Variants in ADARB2 observed in about 807,000 individuals in gnomAD.
The protein encoded by ADARB2 is inactive double-stranded RNA-specific editase B2.
ADARB2 carries 25 observed loss-of-function variants against 62.2 expected under a neutral mutation model. That is an observed-to-expected ratio of 0.40 (90% confidence interval 0.29 to 0.56). The LOEUF is 0.56. Ranked by LOEUF, ADARB2 falls within the 20% of genes least tolerant of loss-of-function variation. The probability of loss-of-function intolerance (pLI) is 0.43; values close to 1 mark genes in which losing one functional copy is unlikely to be tolerated. For missense variants in ADARB2, 1,071 were observed against 1,077.4 expected (o/e 0.99, Z 0.08); for synonymous variants, 572 against 500.8 (o/e 1.14, Z -1.90).
At chr10:1,565,664 G>A (rs993924109) in intron 1 of ADARB2, among the ~76,000 whole-genome samples, 1 of 152,098 alleles carries the variant, frequency 6.6e-6, no homozygotes, top group Non-Finnish European at 1.5e-5. Flanking sequence ...TTACTCTGTC[G>A]AGTGAGGGCA....
At chr10:1,303,990 C>T (rs1287857216) in intron 3 of ADARB2, among the ~76,000 whole-genome samples, 1 of 152,118 alleles carries the variant, frequency 6.6e-6, no homozygotes, top group African/African-American at 2.4e-5. Flanking sequence ...AACCAGCTAA[C>T]ATCATAATGA....
intron 1 of ADARB2, among the ~76,000 whole-genome samples, chr10:1,547,144 T>C (rs1832533325): frequency 6.6e-6 from 1 of 152,124 alleles, no homozygotes; most frequent in Admixed American, 6.5e-5. Flanking sequence ...GCAGTGCAGG[T>C]GACATCATTA....
chr10:1,545,003 A>G (rs1315102199), intron 1 of ADARB2, among the ~76,000 whole-genome samples: 1 of 144,842 alleles, frequency 6.9e-6, no homozygotes, highest in Non-Finnish European at 1.5e-5. Flanking sequence ...TTGCAGCAGG[A>G]ATGTGGATGG....
chr10:1,252,215 A>G (rs1457982259), intron 4 of ADARB2, among the ~76,000 whole-genome samples: 2 of 152,238 alleles, frequency 1.3e-5, no homozygotes, highest in African/African-American at 4.8e-5. Context: ...CTAAGAAGAA[A>G]ACTGAAAGTA....
chr10:1,255,424 C>CCACATAACATACAACTA lies in ADARB2; in HGVS notation c.1193-13126_1193-13125insTAGTTGTATGTTATGTG, dbSNP rs1319111945. On this transcript the variant is annotated intron_variant, in intron 4 of 9. Transcript: ENST00000381312. The surrounding 1 kb of genome is among the most constrained non-coding windows in gnomAD (Gnocchi z 4.7). ...CTACACACTAATCAAACATGCTGCT[C>CCACATAACATACAACTA]ACTCCACATAACATACAACACGACA... Among the ~76,000 whole-genome samples the CCACATAACATACAACTA allele has an allele frequency of 6.6e-6, 1 of 152,242 alleles. No individual in the cohort carries two copies. The highest frequency in any genetic ancestry group is 1.5e-5 in the Non-Finnish European group (1 of 68,040).
At chr10:1,611,031 C>A (rs149229530) in intron 1 of ADARB2, among the ~76,000 whole-genome samples, 60 of 152,302 alleles carry the variant, frequency 3.9e-4, no homozygotes, top group African/African-American at 1.4e-3. Flanking sequence ...ACGACGACAT[C>A]AACGTTACAA....
rs933741683 is a variant in ADARB2 at position 1,217,047 on chromosome 10, G to C, written c.1586C>G (p.Thr529Arg). 7 of 1,611,054 alleles carry C rather than the reference G, an allele frequency of 4.3e-6. No individual in the cohort carries two copies. The highest frequency in any genetic ancestry group is 5.9e-6 in the Non-Finnish European group (7 of 1,178,998). The change falls in exon 7 of 10, where the codon ACG (threonine) becomes AGG (arginine). Residue 529 changes from threonine to arginine, a missense_variant. By Grantham distance (71) the Thr-to-Arg change is moderately conservative (BLOSUM62 -1). Transcript: ENST00000381312. ...TGCGCTGGGGCCACGCACGGGGACC[G>C]TCCCTTCCCCGGACTCGATCTTGGT... ...LRTKIESGEG[T>R]VPVRGPSAVQ...
At chr10:1,460,112 G>A (rs867774535) in intron 1 of ADARB2, among the ~76,000 whole-genome samples, 1 of 47,128 alleles carries the variant, frequency 2.1e-5, no homozygotes, top group Admixed American at 2.3e-4. Flanking sequence ...GTTTACCTGC[G>A]TTACGAACCT....
chr10:1,311,391 G>A lies in ADARB2; in HGVS notation c.1078-40322C>T, dbSNP rs115308834. On this transcript the variant is annotated intron_variant, in intron 3 of 9. Transcript: ENST00000381312. The stretch of plus-strand genomic sequence containing the variant: ...GGAATGGCTGGGGCCCATGTGAAGC[G>A]TCTCCTGGTTTGGTAACAGGTGCGA... Among the ~76,000 whole-genome samples the A allele has an allele frequency of 7.7e-3, 1,167 of 152,240 alleles. 15 individuals carry two copies. The highest frequency in any genetic ancestry group is 0.026 in the African/African-American group (1,087 of 41,524).
intron 3 of ADARB2, among the ~76,000 whole-genome samples, chr10:1,302,331 AAC>A (rs1831581191): frequency 6.6e-6 from 1 of 152,070 alleles, no homozygotes; most frequent in South Asian, 2.1e-4. Context: ...GGGCTTAAAA[AAC>A]GGCGCACCAC....
chr10:1,314,642 T>C (rs531539633), intron 3 of ADARB2, among the ~76,000 whole-genome samples: 1 of 152,138 alleles, frequency 6.6e-6, no homozygotes, highest in Non-Finnish European at 1.5e-5. Flanking sequence ...AAATACGGCA[T>C]GCGAAGGTGC....
chr10:1,588,010 T>C (rs1379330740), intron 1 of ADARB2, among the ~76,000 whole-genome samples: 1 of 152,114 alleles, frequency 6.6e-6, no homozygotes, highest in Non-Finnish European at 1.5e-5. Flanking sequence ...CCAGTCTCGG[T>C]TGCGTCTTTA....
intron 1 of ADARB2, among the ~76,000 whole-genome samples, chr10:1,582,093 G>C (rs886581334): frequency 6.6e-6 from 1 of 152,190 alleles, no homozygotes; most frequent in Non-Finnish European, 1.5e-5. Context: ...GCTGTCGAGG[G>C]CTAACAGCCT....
chr10:1,687,685 T>G (rs1489207942), intron 1 of ADARB2, among the ~76,000 whole-genome samples: 1 of 152,150 alleles, frequency 6.6e-6, no homozygotes, highest in African/African-American at 2.4e-5. Flanking sequence ...GACAAGGATT[T>G]TCCTGCCAAG....
At chr10:1,320,397 C>A (rs1322034452) in intron 3 of ADARB2, among the ~76,000 whole-genome samples, 1 of 152,100 alleles carries the variant, frequency 6.6e-6, no homozygotes, top group Non-Finnish European at 1.5e-5. Context: ...TCAAATCACA[C>A]CATGTAGATG....
chr10:1,332,210 C>T (rs1831934373), intron 3 of ADARB2, among the ~76,000 whole-genome samples: 2 of 152,250 alleles, frequency 1.3e-5, no homozygotes, highest in East Asian at 3.9e-4. Context: ...TTTAGAGTGG[C>T]CTGGACAACA....
At chr10:1,205,779 G>A (rs897671792) in intron 7 of ADARB2, among the ~76,000 whole-genome samples, 2 of 152,250 alleles carry the variant, frequency 1.3e-5, no homozygotes, top group African/African-American at 2.4e-5. Context: ...AGCGTGTTCT[G>A]CGTGGTGGCC....
At chr10:1,460,684 A>C (rs1381533618) in intron 1 of ADARB2, among the ~76,000 whole-genome samples, 8 of 129,068 alleles carry the variant, frequency 6.2e-5, no homozygotes, top group African/African-American at 2.3e-4. Flanking sequence ...ACCTGAGTTT[A>C]CCTGTGTAAC....
intron 1 of ADARB2, among the ~76,000 whole-genome samples, chr10:1,692,818 G>C (rs575004840): frequency 6.6e-6 from 1 of 152,312 alleles, no homozygotes; most frequent in African/African-American, 2.4e-5. Flanking sequence ...CTAAGGTGCA[G>C]CCAGGACAGA....
Sources: gnomAD v4.1 joint callset for allele counts (sites outside exome capture counted in the v4.1 genomes callset) on GRCh38, gnomAD v4.1.1 for gene constraint, Gnocchi (gnomAD v3.1) non-coding constraint, MANE v1.5 for transcripts, NCBI Gene and HGNC (gene_info 2026-07-23, HGNC 2026-07-21) for gene names.